Variants in PSD3 observed in about 807,000 individuals in gnomAD.
PSD3 encodes the protein pleckstrin and Sec7 domain containing 3.
Under a neutral mutation model 105.5 loss-of-function variants are expected in PSD3, and 49 were observed. The observed-to-expected ratio is 0.46, with a 90% confidence interval of 0.37 to 0.59. PSD3 has a LOEUF of 0.59. Among genes scored for constraint, PSD3 ranks in the 20% least tolerant of loss-of-function variants. PSD3 has a pLI of 0.00. For missense variants in PSD3, 1,561 were observed against 1,263.8 expected (o/e 1.24, Z -3.57); for synonymous variants, 557 against 457.8 (o/e 1.22, Z -2.77).
At chr8:18,861,192 C>T (rs1473033835) in intron 4 of PSD3, among the ~76,000 whole-genome samples, 1 of 152,158 alleles carries the variant, frequency 6.6e-6, no homozygotes, top group East Asian at 1.9e-4. Flanking sequence ...GTGCACTTAG[C>T]TTCCATCCTG....
intron 1 of PSD3, among the ~76,000 whole-genome samples, chr8:19,070,030 C>T (rs1178526684): frequency 2.0e-5 from 3 of 151,604 alleles, no homozygotes; most frequent in South Asian, 2.1e-4. Flanking sequence ...CTGCAACCTC[C>T]GCCTCCAGAG....
chr8:18,672,363 G>C (rs897430894), intron 9 of PSD3, among the ~76,000 whole-genome samples: 8 of 151,912 alleles, frequency 5.3e-5, no homozygotes, highest in Admixed American at 2.0e-4. Flanking sequence ...AACAATCCCT[G>C]GGGGACTTTG....
intron 10 of PSD3, among the ~76,000 whole-genome samples, chr8:18,648,845 G>C (rs949043296): frequency 6.6e-6 from 1 of 152,230 alleles, no homozygotes; most frequent in Non-Finnish European, 1.5e-5. Context: ...AAAGGGCCAA[G>C]GTACAGCTCA....
intron 1 of PSD3, among the ~76,000 whole-genome samples, chr8:18,997,014 T>G (rs1247246368): frequency 1.3e-5 from 2 of 151,922 alleles, no homozygotes; most frequent in African/African-American, 4.8e-5. Flanking sequence ...CATTCGCTGC[T>G]TTCCTTCATT....
chr8:18,583,918 CATT>C, intron 12 of PSD3, among the ~76,000 whole-genome samples: 1 of 152,290 alleles, frequency 6.6e-6, no homozygotes, highest in East Asian at 1.9e-4. Context: ...TATATGCACT[CATT>C]ATTGACTTGC....
chr8:18,639,427 C>T (rs1055209921), intron 10 of PSD3, among the ~76,000 whole-genome samples: 1 of 152,116 alleles, frequency 6.6e-6, no homozygotes, highest in Non-Finnish European at 1.5e-5. Flanking sequence ...CCTTTTATTG[C>T]TCTAGTCTTA....
At chr8:18,908,536 C>G (rs1201282863) in intron 2 of PSD3, among the ~76,000 whole-genome samples, 1 of 152,292 alleles carries the variant, frequency 6.6e-6, no homozygotes, top group African/African-American at 2.4e-5. Flanking sequence ...ACTGCTTCTC[C>G]CCTCCTGTCC....
At chr8:18,580,022 T>A (rs1054441408) in intron 12 of PSD3, among the ~76,000 whole-genome samples, 1 of 152,242 alleles carries the variant, frequency 6.6e-6, no homozygotes, top group African/African-American at 2.4e-5. Context: ...AAATTGTCTA[T>A]TAATTCATGG....
chr8:18,739,790 CT>C, intron 9 of PSD3, among the ~76,000 whole-genome samples: 1 of 152,196 alleles, frequency 6.6e-6, no homozygotes, highest in African/African-American at 2.4e-5. Context: ...ACCTCAAATA[CT>C]TTTTTGCAGT....
intron 4 of PSD3, among the ~76,000 whole-genome samples, chr8:18,850,547 A>G (rs1194457158): frequency 2.6e-5 from 4 of 152,240 alleles, no homozygotes; most frequent in Non-Finnish European, 5.9e-5. Flanking sequence ...CATCTCAGCT[A>G]GAAGTTCAGC....
chr8:18,950,552 C>G (rs1322084037), intron 1 of PSD3, among the ~76,000 whole-genome samples: 1 of 152,158 alleles, frequency 6.6e-6, no homozygotes, highest in Non-Finnish European at 1.5e-5. Context: ...ACCCCAGCCT[C>G]TGGTAACCAC....
intron 15 of PSD3, among the ~76,000 whole-genome samples, chr8:18,546,658 T>C (rs34871332): frequency 0.18 from 26,722 of 152,198 alleles, 2,586 homozygotes; most frequent in South Asian, 0.38. Context: ...AGATCTATTA[T>C]CCTCAGGAAA....
At chr8:18,684,230 A>G in intron 9 of PSD3, 1 of 216,448 alleles carries the variant, frequency 4.6e-6, no homozygotes, top group Non-Finnish European at 9.1e-6. Context: ...ACACACACAC[A>G]CACACACACA....
intron 8 of PSD3, among the ~76,000 whole-genome samples, chr8:18,785,100 A>G (rs335240): frequency 0.054 from 8,194 of 152,184 alleles, 263 homozygotes; most frequent in Middle Eastern, 0.071. Context: ...GCATCTAGGA[A>G]CCCTGTGTCA....
intron 8 of PSD3, among the ~76,000 whole-genome samples, chr8:18,790,516 A>C (rs938105264): frequency 1.3e-5 from 2 of 151,842 alleles, no homozygotes; most frequent in Non-Finnish European, 2.9e-5. Flanking sequence ...GTTAGCCAGG[A>C]TGGTCTCTAT....
chr8:18,571,321 T>C (rs906272645), intron 14 of PSD3, among the ~76,000 whole-genome samples: 27 of 152,140 alleles, frequency 1.8e-4, no homozygotes, highest in African/African-American at 6.3e-4. Context: ...ATAACTTGTG[T>C]GTGGTTCCTG....
At chr8:18,879,078 A>ATG (rs1563378098) in intron 2 of PSD3, among the ~76,000 whole-genome samples, 1 of 150,426 alleles carries the variant, frequency 6.6e-6, no homozygotes, top group African/African-American at 2.4e-5. Flanking sequence ...ACACACACAC[A>ATG]CACACACACG....
chr8:18,692,385 GA>G (rs1460533892), intron 9 of PSD3, among the ~76,000 whole-genome samples: 1 of 152,184 alleles, frequency 6.6e-6, no homozygotes, highest in African/African-American at 2.4e-5. Flanking sequence ...ACAGCAATTG[GA>G]ATGGGCCTGG....
intron 9 of PSD3, among the ~76,000 whole-genome samples, chr8:18,705,290 G>A (rs993523305): frequency 3.9e-5 from 6 of 152,142 alleles, no homozygotes; most frequent in African/African-American, 7.2e-5. Context: ...CCCTTTGGGA[G>A]GCCAAGCCGG....
Sources: gnomAD v4.1 joint callset for allele counts (sites outside exome capture counted in the v4.1 genomes callset) on GRCh38, gnomAD v4.1.1 for gene constraint, MANE v1.5 for transcripts, NCBI Gene and HGNC (gene_info 2026-07-23, HGNC 2026-07-21) for gene names.